Variants in VPS53 observed in about 807,000 individuals in gnomAD.
VPS53 encodes vacuolar protein sorting-associated protein 53 homolog.
VPS53 carries 70 observed loss-of-function variants against 107.0 expected under a neutral mutation model. That is an observed-to-expected ratio of 0.65 (90% confidence interval 0.54 to 0.80). VPS53 has a LOEUF of 0.80. Among genes scored for constraint, VPS53 ranks in the 30% least tolerant of loss-of-function variants. The pLI is 0.00. For synonymous variants in VPS53, 409 were observed against 393.3 expected, an observed-to-expected ratio of 1.04 and a Z score of -0.47; for missense variants, 917 against 1,049.4, an observed-to-expected ratio of 0.87 and a Z score of 1.74.
Position 516,234 on chromosome 17 carries a change from G to C in VPS53, c.*2894C>G, listed in dbSNP as rs117264758. 6 of 152,102 alleles carry C rather than the reference G, an allele frequency of 3.9e-5. No homozygotes were observed. Among genetic ancestry groups the C allele is most frequent in the Non-Finnish European group, 2.9e-5 (2 of 68,032 alleles). 9.4% of individuals were successfully genotyped at this position (152,102 alleles called of 1,614,324 possible). A position where few individuals can be genotyped will look rare whatever the true frequency, so the allele number is the denominator to read the frequency against. On this transcript the variant is annotated 3_prime_UTR_variant, in exon 22 of 22. Transcript: ENST00000437048. ...AGACATGTATGAAAATGCGTGGCAG[G>C]AGCCCTTCCATAAAGCAAATCTCTC...
intron 17 of VPS53, 51 bp from the exon 18 acceptor site, chr17:537,227 C>T (rs767283066): frequency 2.8e-5 from 44 of 1,594,698 alleles, no homozygotes; most frequent in African/African-American, 1.6e-4. Flanking sequence ...AGAACGGTGT[C>T]GCCTGTTACT....
chr17:584,658 C>T (rs1284521573), intron 13 of VPS53, among the ~76,000 whole-genome samples: 1 of 152,086 alleles, frequency 6.6e-6, no homozygotes, highest in Non-Finnish European at 1.5e-5. Flanking sequence ...GTAGCTGGGA[C>T]TACAGGTGTG....
chr17:632,505 C>T (rs1373992993), intron 7 of VPS53, among the ~76,000 whole-genome samples: 1 of 152,098 alleles, frequency 6.6e-6, no homozygotes, highest in Non-Finnish European at 1.5e-5. Flanking sequence ...TTTGTTACTT[C>T]TCCGTGTTAG....
intron 2 of VPS53, among the ~76,000 whole-genome samples, chr17:701,351 T>C (rs1597505374): frequency 1.3e-5 from 2 of 151,270 alleles, no homozygotes; most frequent in African/African-American, 4.9e-5. Flanking sequence ...CTCAGAAAAA[T>C]TACTTTAATT....
At chr17:654,554 C>T (rs950374630) in intron 6 of VPS53, among the ~76,000 whole-genome samples, 10 of 151,770 alleles carry the variant, frequency 6.6e-5, no homozygotes, top group South Asian at 2.1e-4. Flanking sequence ...CTGGCTAACA[C>T]GGCGAAACCC....
intron 12 of VPS53, among the ~76,000 whole-genome samples, chr17:594,546 C>G (rs993173075): frequency 4.8e-5 from 7 of 144,950 alleles, no homozygotes; most frequent in African/African-American, 1.6e-4. Context: ...CTGGAGGAAG[C>G]TGGGAGATGG....
intron 12 of VPS53, among the ~76,000 whole-genome samples, chr17:601,541 C>T (rs1968324144): frequency 6.6e-6 from 1 of 152,186 alleles, no homozygotes; most frequent in Non-Finnish European, 1.5e-5. Context: ...TCTCCTGGCC[C>T]CACCACAGTG....
intron 7 of VPS53, among the ~76,000 whole-genome samples, chr17:632,024 G>A (rs1459814805): frequency 6.6e-6 from 1 of 152,160 alleles, no homozygotes; most frequent in East Asian, 1.9e-4. Context: ...GACGTGAGAG[G>A]GTCGCTTGAG....
chr17:593,055 G>A (rs1332086630), intron 12 of VPS53, among the ~76,000 whole-genome samples: 2 of 152,034 alleles, frequency 1.3e-5, no homozygotes, highest in African/African-American at 4.8e-5. Context: ...ACAAGAAATG[G>A]GGAAAGGATT....
intron 7 of VPS53, among the ~76,000 whole-genome samples, 167 bp from the exon 8 acceptor site, chr17:631,795 C>T (rs1180736869): frequency 6.6e-6 from 1 of 151,902 alleles, no homozygotes; most frequent in Non-Finnish European, 1.5e-5. Flanking sequence ...GGTTGATGAG[C>T]AGGACCCAGG....
chr17:661,058 A>ACATCCCTCCTCCCTC, intron 5 of VPS53, among the ~76,000 whole-genome samples: 1 of 152,066 alleles, frequency 6.6e-6, no homozygotes, highest in Middle Eastern at 3.4e-3. Context: ...ATGGGCGGGG[A>ACATCCCTCCTCCCTC]CATCCCTCCT....
At chr17:593,668 G>A (rs1210430314) in intron 12 of VPS53, among the ~76,000 whole-genome samples, 9 of 152,324 alleles carry the variant, frequency 5.9e-5, no homozygotes, top group South Asian at 2.1e-4. Context: ...AACCGGTGCT[G>A]GAGAGGATGT....
chr17:529,326 A>G (rs779768848), intron 19 of VPS53, among the ~76,000 whole-genome samples: 1 of 152,040 alleles, frequency 6.6e-6, no homozygotes. Flanking sequence ...CTGTTCTAAG[A>G]TTATTTTGGC....
chr17:652,483 T>C (rs1970992997), intron 7 of VPS53, among the ~76,000 whole-genome samples: 1 of 152,174 alleles, frequency 6.6e-6, no homozygotes. Context: ...CTTGGTTCTC[T>C]TGGGACGCTC....
intron 12 of VPS53, among the ~76,000 whole-genome samples, chr17:590,276 G>A (rs1363854436): frequency 1.3e-5 from 2 of 152,052 alleles, no homozygotes; most frequent in Non-Finnish European, 2.9e-5. Flanking sequence ...GGAGATTTTG[G>A]GCTGAGATAA....
chr17:635,744 C>CTA (rs1266815431), intron 7 of VPS53, among the ~76,000 whole-genome samples: 2 of 152,126 alleles, frequency 1.3e-5, no homozygotes, highest in Admixed American at 1.3e-4. Flanking sequence ...CTGTTCTGTT[C>CTA]CATTGATCTA....
At chr17:566,908 T>C (rs566800676) in intron 13 of VPS53, among the ~76,000 whole-genome samples, 1 of 151,876 alleles carries the variant, frequency 6.6e-6, no homozygotes, top group African/African-American at 2.4e-5. Context: ...CACAACCGGC[T>C]AATTTTTGCT....
At chr17:541,882 C>T (rs948361527) in intron 17 of VPS53, among the ~76,000 whole-genome samples, 13 of 148,388 alleles carry the variant, frequency 8.8e-5, no homozygotes, top group Non-Finnish European at 1.9e-4. Context: ...GCACGTACTA[C>T]GCACTGAAGG....
chr17:622,306 C>T (rs181066958), intron 11 of VPS53, among the ~76,000 whole-genome samples: 3 of 152,198 alleles, frequency 2.0e-5, no homozygotes, highest in East Asian at 1.9e-4. Context: ...ACAGCAGAAT[C>T]GGGATTAGAC....
Sources: gnomAD v4.1 joint callset for allele counts (sites outside exome capture counted in the v4.1 genomes callset) on GRCh38, gnomAD v4.1.1 for gene constraint, MANE v1.5 for transcripts, NCBI Gene and HGNC (gene_info 2026-07-23, HGNC 2026-07-21) for gene names.